Variants in TNFAIP8 observed in about 807,000 individuals in gnomAD.
The protein encoded by TNFAIP8 is TNF alpha induced protein 8.
Under a neutral mutation model 13.3 loss-of-function variants are expected in TNFAIP8, and 7 were observed. That is an observed-to-expected ratio of 0.52 (90% CI 0.30 to 0.99). The LOEUF (loss-of-function observed/expected upper bound fraction) is 0.99. Ranked by LOEUF, TNFAIP8 falls within the 50% of genes least tolerant of loss-of-function variation. The pLI is 0.07. For synonymous variants in TNFAIP8, 94 were observed against 87.6 expected (o/e 1.07, Z -0.41); for missense variants, 258 against 236.9 (o/e 1.09, Z -0.58).
chr5:119,351,788 C>CTT (rs1177061965), upstream of TNFAIP8, among the ~76,000 whole-genome samples: 9,640 of 137,688 alleles, frequency 0.07, 1,486 homozygotes, highest in African/African-American at 0.27. Context: ...TTTTCTTTTT[C>CTT]TTTTTTTCTT....
chr5:119,305,876 G>A (rs1749535065), intron 1 of TNFAIP8, among the ~76,000 whole-genome samples: 1 of 152,166 alleles, frequency 6.6e-6, no homozygotes, highest in Admixed American at 6.5e-5. Context: ...GAGCAACACT[G>A]CCCTAAAATC....
chr5:119,356,215 C>T (rs766049597), intron 1 of TNFAIP8, 94 bp downstream of exon 1: 8 of 1,175,584 alleles, frequency 6.8e-6, no homozygotes, highest in Non-Finnish European at 8.3e-6. Flanking sequence ...TTAAAGTGAG[C>T]GGTGGGCACT....
chr5:119,355,874 C>G (rs956635076), upstream of TNFAIP8: 1 of 1,150,570 alleles, frequency 8.7e-7, no homozygotes, highest in Non-Finnish European at 1.1e-6. Flanking sequence ...GGCGGACTCC[C>G]GCCGCCCAGC....
intron 1 of TNFAIP8, among the ~76,000 whole-genome samples, chr5:119,288,554 A>C (rs1748878902): frequency 6.6e-6 from 1 of 152,262 alleles, no homozygotes; most frequent in Admixed American, 6.5e-5. Context: ...GTTTTGCTCA[A>C]GCAATGGCTC....
At chr5:119,290,357 G>A (rs151160689) in intron 1 of TNFAIP8, among the ~76,000 whole-genome samples, 18 of 152,276 alleles carry the variant, frequency 1.2e-4, no homozygotes, top group African/African-American at 4.1e-4. Context: ...CATTCTCTGC[G>A]GCTGGAGAAT....
At chr5:119,320,342 G>T (rs1750017460) in intron 1 of TNFAIP8, among the ~76,000 whole-genome samples, 1 of 152,076 alleles carries the variant, frequency 6.6e-6, no homozygotes, top group African/African-American at 2.4e-5. Context: ...TTTCTTTCCA[G>T]TTATGGAAAC....
At chr5:119,340,191 A>G (rs376598063) in intron 1 of TNFAIP8, among the ~76,000 whole-genome samples, 245 of 152,370 alleles carry the variant, frequency 1.6e-3, no homozygotes, top group Non-Finnish European at 2.9e-3. Context: ...CAAACTCCAC[A>G]GCGTTGTCCC....
upstream of TNFAIP8, chr5:119,355,846 C>A (rs115560195): frequency 2.5e-5 from 27 of 1,086,106 alleles, no homozygotes; most frequent in African/African-American, 3.4e-4. Flanking sequence ...GCTGCCGGCC[C>A]GAGCGCGCGG....
intron 1 of TNFAIP8, among the ~76,000 whole-genome samples, chr5:119,341,809 T>G (rs368559687): frequency 7.2e-5 from 11 of 152,178 alleles, no homozygotes; most frequent in South Asian, 4.1e-4. Flanking sequence ...TTAAAAAAAT[T>G]TGCATCACTG....
chr5:119,271,645 G>C (rs1228456114), intron 1 of TNFAIP8, among the ~76,000 whole-genome samples: 2 of 152,202 alleles, frequency 1.3e-5, no homozygotes, highest in East Asian at 3.9e-4. Context: ...AGTGCCAGGG[G>C]CATTGACTTT....
At chr5:119,353,908 A>G (rs751572754), upstream of TNFAIP8, among the ~76,000 whole-genome samples, 2 of 152,208 alleles carry the variant, frequency 1.3e-5, no homozygotes, top group Admixed American at 6.5e-5. Context: ...CTTTACCCCA[A>G]TTATAGATCA....
intron 1 of TNFAIP8, among the ~76,000 whole-genome samples, chr5:119,373,190 G>A (rs568282384): frequency 2.0e-5 from 3 of 152,098 alleles, no homozygotes; most frequent in Admixed American, 1.3e-4. Context: ...TGGCCACACT[G>A]ACTTTCCTAT....
At chr5:119,282,001 C>T (rs534671611) in intron 1 of TNFAIP8, among the ~76,000 whole-genome samples, 6 of 152,202 alleles carry the variant, frequency 3.9e-5, no homozygotes, top group South Asian at 2.1e-4. Flanking sequence ...TATTGTTGTC[C>T]GAAAGAGTCT....
Position 119,374,217 on chromosome 5 carries a change from A to G in TNFAIP8, c.31+18096A>G, listed in dbSNP as rs146202013. 9.7e-3 allele frequency among the ~76,000 whole-genome samples: 1,473 copies of G among 152,050 alleles called. 15 individuals carry two copies. The highest frequency in any genetic ancestry group is 0.014 in the Non-Finnish European group (944 of 67,984). Reference sequence around the variant, plus strand: ...ATTTTTTTTTTCAGATTTTTGGAATATTTGCATTATACTTACTGGTTGAGC... The same window carrying G: ...ATTTTTTTTTTCAGATTTTTGGAATGTTTGCATTATACTTACTGGTTGAGC... On this transcript the variant is annotated intron_variant, in intron 1 of 1. Coordinates refer to ENST00000504771, the MANE Select transcript of TNFAIP8 (RefSeq NM_014350.4).
rs1753036393 is a variant in TNFAIP8, at chr5:119,394,806, C to T, written c.*1425C>T. The T allele has an allele frequency of 6.6e-6, 1 of 152,004 alleles. No individual in the cohort carries two copies. The highest frequency in any genetic ancestry group is 1.5e-5 in the Non-Finnish European group (1 of 68,040). The allele number at this position is 152,004 out of a possible 1,614,324, so 9.4% of individuals were successfully genotyped here. ...ATTTTTAGTCGAGATGGGGTTTCAC[C>T]ATGTTGCCCAGGCTGGTCTTGAACT... On this transcript the variant is annotated 3_prime_UTR_variant, in exon 2 of 2. Coordinates refer to ENST00000504771, the MANE Select transcript of TNFAIP8 (RefSeq NM_014350.4).
At chr5:119,367,837 C>G (rs1176067722) in intron 1 of TNFAIP8, among the ~76,000 whole-genome samples, 1 of 152,058 alleles carries the variant, frequency 6.6e-6, no homozygotes, top group African/African-American at 2.4e-5. Context: ...TTTGCTTTCT[C>G]ATTTTTTTTC....
At chr5:119,360,785 G>T (rs1435656901) in intron 1 of TNFAIP8, among the ~76,000 whole-genome samples, 2 of 152,114 alleles carry the variant, frequency 1.3e-5, no homozygotes, top group African/African-American at 4.8e-5. Context: ...CTACCTCTTG[G>T]GGGGATTTAT....
At chr5:119,298,956 A>C (rs1749271530) in intron 1 of TNFAIP8, among the ~76,000 whole-genome samples, 1 of 152,188 alleles carries the variant, frequency 6.6e-6, no homozygotes. Flanking sequence ...TTTCAGCTCC[A>C]TCAGCTCCTT....
At chr5:119,356,008 C>T, upstream of TNFAIP8, 11 of 1,531,524 alleles carry the variant, frequency 7.2e-6, no homozygotes, top group South Asian at 2.4e-5. Flanking sequence ...CCGTCGTGTG[C>T]GGATTTCGCT....
Sources: allele counts gnomAD v4.1 joint callset (sites outside exome capture counted in the v4.1 genomes callset), GRCh38; gene constraint gnomAD v4.1.1; transcripts MANE v1.5; gene names NCBI Gene and HGNC (gene_info 2026-07-23, HGNC 2026-07-21).